CIT: variants seen among roughly 807,000 people sequenced by gnomAD.
CIT encodes citron Rho-interacting kinase.
In CIT, 79 loss-of-function variants were observed where a neutral mutation model predicts 272.7. The observed-to-expected ratio is 0.29, with a 90% CI of 0.24 to 0.35. The LOEUF is 0.35. Ranked by LOEUF, CIT falls within the 10% of genes least tolerant of loss-of-function variation. The pLI, the probability that CIT is intolerant of heterozygous loss-of-function variation, is 1.00. For missense variants in CIT, 1,909 were observed against 2,618.3 expected, an observed-to-expected ratio of 0.73 and a Z score of 5.91; for synonymous variants, 948 against 995.6, an observed-to-expected ratio of 0.95 and a Z score of 0.90.
Position 119,713,782 on chromosome 12 carries a change from T to A in CIT, c.4307-134A>T. 1.1e-6 allele frequency: 1 copy of A among 880,876 alleles called. No individual in the cohort carries two copies. The allele number at this position is 880,876 out of a possible 1,614,324, so 54.6% of individuals were successfully genotyped here. ...GTCTGGCCCTGGCTTGCAGGTAGTC[T>A]CCTGAGCTTCCCCTGGTGCCAGGCC... On this transcript the variant is annotated intron_variant, in intron 33 of 47. Coordinates refer to ENST00000392521, the MANE Select transcript of CIT (RefSeq NM_001206999.2). This position sits in a 1 kb window ranked among gnomAD's most constrained non-coding sequence, Gnocchi z 5.2.
intron 10 of CIT, among the ~76,000 whole-genome samples, chr12:119,787,796 T>A (rs1964943683): frequency 1.4e-5 from 2 of 147,154 alleles, no homozygotes; most frequent in African/African-American, 5.0e-5. Flanking sequence ...CACCACTGAC[T>A]AGTTATTTGA....
At chr12:119,819,891 G>A (rs1199366076) in intron 9 of CIT, among the ~76,000 whole-genome samples, 1 of 152,178 alleles carries the variant, frequency 6.6e-6, no homozygotes, top group East Asian at 1.9e-4. Context: ...ATAATGCAGG[G>A]ATCAGAGGTT....
rs1460340486 is a variant in CIT at position 119,710,401 on chromosome 12, G to A, written c.4936-15C>T. 1 of 1,614,088 alleles carries A rather than the reference G, an allele frequency of 6.2e-7. No homozygotes were observed. The highest frequency in any genetic ancestry group is 1.1e-5 in the South Asian group (1 of 91,078). On this transcript the variant is annotated splice_polypyrimidine_tract_variant and intron_variant, in intron 38 of 47. Transcript: ENST00000392521. The surrounding 1 kb of genome is among the most constrained non-coding windows in gnomAD (Gnocchi z 5.6). Reference sequence around the variant, plus strand: ...ACCAACACCACCTGCAAGGGCAGAAGTCCGAAGGCAGAACATAAGCACGGT... The same window carrying A: ...ACCAACACCACCTGCAAGGGCAGAAATCCGAAGGCAGAACATAAGCACGGT...
At chr12:119,848,287 T>A (rs575431327) in intron 5 of CIT, among the ~76,000 whole-genome samples, 1 of 152,266 alleles carries the variant, frequency 6.6e-6, no homozygotes, top group East Asian at 1.9e-4. Context: ...CACATAAACT[T>A]ATTTATTTTA....
chr12:119,720,610 C>T (rs768501311), intron 29 of CIT, 25 bp from the exon 30 acceptor site: 1 of 1,503,456 alleles, frequency 6.7e-7, no homozygotes, highest in Non-Finnish European at 9.1e-7. Context: ...AACAAACTAA[C>T]CTCAAATCCA....
At chr12:119,824,255 A>G (rs1967986746) in intron 8 of CIT, among the ~76,000 whole-genome samples, 1 of 151,878 alleles carries the variant, frequency 6.6e-6, no homozygotes, top group Non-Finnish European at 1.5e-5. Context: ...AATCAAGAGC[A>G]TGGACTTCAG....
rs750905752 is a variant in CIT at position 119,734,186 on chromosome 12, G to A, written c.3328C>T (p.Leu1110=). The A allele has an allele frequency of 6.2e-7, 1 of 1,613,194 alleles. No homozygotes were observed. Among genetic ancestry groups the A allele is most frequent in the Non-Finnish European group, 8.5e-7 (1 of 1,179,846 alleles). ...CACCTGCTCTGTTTCTCGGTGTCCA[G>A]CATTCTCTGCAGCTCTCGAACCCGA... is the stretch of plus-strand genomic sequence containing the variant. ...ECRVRELQRM[L]DTEKQSRARA... The change falls in exon 26 of 48, where the codon CTG becomes TTG. Residue 1110 remains leucine, a synonymous_variant. Transcript: ENST00000392521.
intron 23 of CIT, among the ~76,000 whole-genome samples, chr12:119,745,415 A>T (rs1476780314): frequency 7.5e-6 from 1 of 134,018 alleles, no homozygotes. Flanking sequence ...TCCACATAGA[A>T]TTCTATACCC....
At position 119,834,080 on chromosome 12, in the gene CIT, A is replaced by G; in HGVS notation, c.659+6T>C. 1 of 1,602,804 alleles carries G rather than the reference A, an allele frequency of 6.2e-7. No homozygotes were observed. The highest frequency in any genetic ancestry group is 8.5e-7 in the Non-Finnish European group (1 of 1,176,458). The stretch of plus-strand genomic sequence containing the variant: ...AGCATAAAAATGCTACCAGAGTCTC[A>G]CTTACCGATGCACGTATCCCATCAG... On this transcript the variant is annotated splice_donor_region_variant and intron_variant, in intron 6 of 47. Coordinates refer to ENST00000392521, the MANE Select transcript of CIT (RefSeq NM_001206999.2).
At chr12:119,738,918 TC>T (rs2137291388) in intron 24 of CIT, among the ~76,000 whole-genome samples, 1 of 148,774 alleles carries the variant, frequency 6.7e-6, no homozygotes, top group Admixed American at 6.7e-5. Context: ...ACTCTCAGTG[TC>T]AAAAAGAAAA....
intron 24 of CIT, among the ~76,000 whole-genome samples, chr12:119,738,147 G>A (rs1410404716): frequency 6.6e-6 from 1 of 152,158 alleles, no homozygotes; most frequent in Non-Finnish European, 1.5e-5. Flanking sequence ...GCCAGAATTT[G>A]AACCCAACAC....
chr12:119,875,425 T>C (rs57259458), intron 2 of CIT, among the ~76,000 whole-genome samples: 6,508 of 152,254 alleles, frequency 0.043, 494 homozygotes, highest in African/African-American at 0.15. Flanking sequence ...GTGTCTTTTT[T>C]CCAAAAGAAT....
intron 43 of CIT, among the ~76,000 whole-genome samples, chr12:119,701,264 A>T (rs1956554999): frequency 6.8e-6 from 1 of 146,942 alleles, no homozygotes; most frequent in African/African-American, 2.5e-5. Flanking sequence ...CCAAGAAAGA[A>T]AGAAAAGAAA....
At chr12:119,739,470 G>C (rs1456225189) in intron 24 of CIT, among the ~76,000 whole-genome samples, 1 of 151,904 alleles carries the variant, frequency 6.6e-6, no homozygotes, top group African/African-American at 2.4e-5. Context: ...GACAATCTTG[G>C]GCAATGCCAA....
rs781576567 is a variant in CIT, at chr12:119,855,419, AAAATAAATAAAT to A, written c.414+2092_414+2103del. Among the ~76,000 whole-genome samples the A allele has an allele frequency of 2.0e-5, 3 of 152,050 alleles. No homozygotes were observed. The South Asian group carries it at 6.2e-4, about 32-fold the overall frequency. ...GCCTGGGTGACAGAGACTCTGTCTC[AAAATAAATAAAT>A]AAATAAATAAATAAAATATAAACAG... On this transcript the variant is annotated intron_variant, in intron 4 of 47. Coordinates refer to ENST00000392521, the MANE Select transcript of CIT (RefSeq NM_001206999.2).
intron 5 of CIT, among the ~76,000 whole-genome samples, chr12:119,841,217 C>T (rs1411319781): frequency 1.3e-5 from 2 of 151,580 alleles, no homozygotes; most frequent in Non-Finnish European, 2.9e-5. Flanking sequence ...CTCTGTCGCC[C>T]AGGCTGGAGT....
intron 9 of CIT, among the ~76,000 whole-genome samples, chr12:119,807,587 G>A (rs1966684210): frequency 6.6e-6 from 1 of 151,968 alleles, no homozygotes; most frequent in Admixed American, 6.6e-5. Flanking sequence ...GTACCTAGTA[G>A]GTGCAGAGTA....
At chr12:119,778,783 C>T (rs1189751417) in intron 13 of CIT, among the ~76,000 whole-genome samples, 4 of 152,134 alleles carry the variant, frequency 2.6e-5, no homozygotes, top group Admixed American at 2.6e-4. Flanking sequence ...TCTCATTTCA[C>T]TCTCTCCCAC....
At chr12:119,720,002 T>A (rs1218120419) in intron 30 of CIT, among the ~76,000 whole-genome samples, 1 of 152,180 alleles carries the variant, frequency 6.6e-6, no homozygotes, top group East Asian at 1.9e-4. Context: ...TCACCCCAGC[T>A]CCCTGAGTTC....
Sources: gnomAD v4.1 joint callset for allele counts (sites outside exome capture counted in the v4.1 genomes callset) on GRCh38, gnomAD v4.1.1 for gene constraint, Gnocchi (gnomAD v3.1) non-coding constraint, MANE v1.5 for transcripts, NCBI Gene and HGNC (gene_info 2026-07-23, HGNC 2026-07-21) for gene names.